CPA6: variants seen among roughly 807,000 people sequenced by gnomAD.
CPA6 encodes carboxypeptidase B.
In CPA6, 58 loss-of-function variants were observed where a neutral mutation model predicts 63.3. The ratio of observed to expected loss-of-function variants is 0.92; its 90% CI spans 0.74 to 1.14. CPA6 has a LOEUF of 1.14. Ranked by LOEUF, CPA6 falls within the 50% of genes most tolerant of loss-of-function variation. The pLI is 0.00. For missense variants in CPA6, 565 were observed against 526.6 expected (o/e 1.07, Z -0.71); for synonymous variants, 185 against 179.0 (o/e 1.03, Z -0.27).
intron 2 of CPA6, among the ~76,000 whole-genome samples, chr8:67,571,362 C>T (rs1176090884): frequency 6.6e-6 from 1 of 152,170 alleles, no homozygotes; most frequent in Non-Finnish European, 1.5e-5. Flanking sequence ...AACTAACAGA[C>T]ATATGCAGAA....
At chr8:67,488,437 G>C (rs775679390) in intron 6 of CPA6, among the ~76,000 whole-genome samples, 13 of 152,190 alleles carry the variant, frequency 8.5e-5, no homozygotes, top group Non-Finnish European at 1.6e-4. Flanking sequence ...CCAGTCCCAT[G>C]CTGTTGTGGT....
At chr8:67,546,963 T>G (rs937813219) in intron 2 of CPA6, among the ~76,000 whole-genome samples, 1 of 152,210 alleles carries the variant, frequency 6.6e-6, no homozygotes, top group African/African-American at 2.4e-5. Flanking sequence ...TCACTGGAAC[T>G]ACAGGTGTGA....
At chr8:67,662,861 C>A (rs1487817158) in intron 1 of CPA6, among the ~76,000 whole-genome samples, 1 of 152,174 alleles carries the variant, frequency 6.6e-6, no homozygotes, top group Non-Finnish European at 1.5e-5. Context: ...CCCCTACTAA[C>A]CCTCTGAACA....
intron 8 of CPA6, among the ~76,000 whole-genome samples, chr8:67,451,020 G>A (rs916789739): frequency 6.6e-6 from 1 of 152,174 alleles, no homozygotes; most frequent in Non-Finnish European, 1.5e-5. Context: ...TGAGGACAGA[G>A]GTCCTGGACT....
rs188469522 is a variant in CPA6, at chr8:67,600,276, T to C, written c.192+23900A>G. On this transcript the variant is annotated intron_variant, in intron 2 of 10. Transcript: ENST00000297770. ...AAGCCAGGCACAAAAAGACAAATAC[T>C]GCATGCTCTCACTTATATGTGGAAT... Among the ~76,000 whole-genome samples, 406 of 149,376 alleles carry C rather than the reference T, an allele frequency of 2.7e-3. 3 individuals are homozygous for C. Among genetic ancestry groups the C allele is most frequent in the African/African-American group, 9.2e-3 (374 of 40,518 alleles).
intron 6 of CPA6, among the ~76,000 whole-genome samples, chr8:67,493,070 G>A (rs1349707578): frequency 6.6e-6 from 1 of 152,122 alleles, no homozygotes; most frequent in Non-Finnish European, 1.5e-5. Flanking sequence ...TTCATATGAT[G>A]AGCTGTTTTC....
intron 1 of CPA6, among the ~76,000 whole-genome samples, chr8:67,665,171 A>AAAAAC (rs746156478): frequency 6.6e-5 from 10 of 152,196 alleles, no homozygotes; most frequent in Admixed American, 1.3e-4. Context: ...TCTTCACGGG[A>AAAAAC]AAAACAAAAC....
chr8:67,612,402 C>T (rs1462361537), intron 2 of CPA6, among the ~76,000 whole-genome samples: 2 of 152,182 alleles, frequency 1.3e-5, no homozygotes, highest in Non-Finnish European at 2.9e-5. Flanking sequence ...AGTCAACAAG[C>T]CTTGTGATGC....
chr8:67,599,383 G>T (rs1327172075), intron 2 of CPA6, among the ~76,000 whole-genome samples: 1 of 152,122 alleles, frequency 6.6e-6, no homozygotes, highest in Admixed American at 6.5e-5. Flanking sequence ...TCTTAGCTTT[G>T]CTTCATGCCT....
intron 8 of CPA6, among the ~76,000 whole-genome samples, chr8:67,455,257 C>T (rs770937855): frequency 2.6e-5 from 4 of 152,110 alleles, no homozygotes; most frequent in Admixed American, 6.6e-5. Flanking sequence ...AGCGCAGTGA[C>T]AGGCATTCCA....
At chr8:67,617,571 C>G (rs1814986338) in intron 2 of CPA6, among the ~76,000 whole-genome samples, 1 of 152,186 alleles carries the variant, frequency 6.6e-6, no homozygotes, top group African/African-American at 2.4e-5. Context: ...AAGTATCATT[C>G]ATAATGCTCC....
intron 2 of CPA6, among the ~76,000 whole-genome samples, chr8:67,604,437 C>T (rs1444234702): frequency 6.6e-6 from 1 of 152,192 alleles, no homozygotes; most frequent in African/African-American, 2.4e-5. Context: ...ATGTCTTCTT[C>T]CCTGACCGGT....
At chr8:67,549,357 C>A (rs1422073146) in intron 2 of CPA6, among the ~76,000 whole-genome samples, 1 of 152,132 alleles carries the variant, frequency 6.6e-6, no homozygotes, top group Non-Finnish European at 1.5e-5. Context: ...TCCTTTTAAA[C>A]CACGTTGAGG....
chr8:67,538,822 G>C (rs1048342257), intron 2 of CPA6, among the ~76,000 whole-genome samples: 3 of 151,928 alleles, frequency 2.0e-5, no homozygotes, highest in Admixed American at 6.6e-5. Context: ...ACTATGCCCG[G>C]CTAATTTTTT....
chr8:67,698,771 C>T (rs1564554), intron 1 of CPA6, among the ~76,000 whole-genome samples: 152,225 of 152,326 alleles, frequency 1, 76,062 homozygotes, highest in Middle Eastern at 1. Context: ...CTGTTAGTGC[C>T]TGGGAAAGGC....
intron 2 of CPA6, among the ~76,000 whole-genome samples, chr8:67,594,243 C>T (rs918629203): frequency 3.9e-4 from 59 of 152,154 alleles, no homozygotes; most frequent in African/African-American, 1.1e-3. Context: ...GAGTTTCTGC[C>T]GAGAGATCCG....
At chr8:67,456,292 C>T (rs1810676052) in intron 8 of CPA6, among the ~76,000 whole-genome samples, 1 of 152,206 alleles carries the variant, frequency 6.6e-6, no homozygotes, top group Non-Finnish European at 1.5e-5. Flanking sequence ...CTTCCCTGCT[C>T]AAGGTCTCCC....
At chr8:67,732,655 C>T in intron 1 of CPA6, 1 of 152,412 alleles carries the variant, frequency 6.6e-6, no homozygotes, top group Non-Finnish European at 1.5e-5. Flanking sequence ...TGGGAACTCG[C>T]GCTGGAGGAG....
At chr8:67,507,921 A>G (rs1194675351) in intron 5 of CPA6, among the ~76,000 whole-genome samples, 1 of 152,118 alleles carries the variant, frequency 6.6e-6, no homozygotes, top group Non-Finnish European at 1.5e-5. Context: ...AGGAAGGAAC[A>G]GCAGATAAAG....
Sources: allele counts gnomAD v4.1 joint callset (sites outside exome capture counted in the v4.1 genomes callset), GRCh38; gene constraint gnomAD v4.1.1; transcripts MANE v1.5; gene names NCBI Gene and HGNC (gene_info 2026-07-23, HGNC 2026-07-21).